The following CEP70 variants were observed in gnomAD, a reference collection of about 807,000 sequenced individuals.
CEP70 encodes centrosomal protein 70, also known as centrosomal protein of 70 kDa.
A neutral mutation model predicts 90.9 loss-of-function variants in CEP70; 70 were observed. That is an observed-to-expected ratio of 0.77 (90% CI 0.64 to 0.94). CEP70 has a LOEUF of 0.94. CEP70 is among the 40% of genes least tolerant of loss of function. The pLI is 0.00. For synonymous variants in CEP70, 220 were observed against 228.3 expected, an observed-to-expected ratio of 0.96 and a Z score of 0.33; for missense variants, 648 against 669.0, an observed-to-expected ratio of 0.97 and a Z score of 0.35.
intron 17 of CEP70, chr3:138,495,956 A>G (rs1214252122): frequency 2.0e-6 from 2 of 985,344 alleles, no homozygotes; most frequent in Non-Finnish European, 2.4e-6. Context: ...CTTACCAGAT[A>G]AACCAATCCA....
At chr3:138,571,385 T>A in intron 3 of CEP70, 29 bp from the exon 4 acceptor site, 2 of 1,388,190 alleles carry the variant, frequency 1.4e-6, no homozygotes, top group Non-Finnish European at 2.0e-6. Context: ...AAGAAAGGGT[T>A]AACTTTAGAT....
chr3:138,500,375 C>T (rs1422181431), intron 15 of CEP70, 24 bp downstream of exon 15: 3 of 1,555,068 alleles, frequency 1.9e-6, no homozygotes, highest in Non-Finnish European at 2.6e-6. Context: ...AATGGGGGCC[C>T]AAAATGACAA....
rs746135756 is a variant in CEP70 at position 138,537,267 on chromosome 3, T to A, written c.546A>T (p.Leu182Phe). The A allele has an allele frequency of 1.2e-6, 2 of 1,609,550 alleles. No individual in the cohort carries two copies. Among genetic ancestry groups the A allele is most frequent in the African/African-American group, 2.7e-5 (2 of 74,704 alleles). The change falls in exon 7 of 18, where the codon TTA (leucine) becomes TTT (phenylalanine). Residue 182 changes from leucine (L) to phenylalanine (F), a missense_variant. Transcript: ENST00000264982. ...CAATGCGATCTTCTTCCTCCTTTTT[T>A]AATCTACAGACTTCCATTTGCAAAG... ...IASLQMEVCR[L>F]KKEEEDRIVT...
intron 4 of CEP70, 30 bp downstream of exon 4, chr3:138,571,236 C>A: frequency 6.4e-7 from 1 of 1,573,936 alleles, no homozygotes; most frequent in Admixed American, 1.8e-5. Context: ...AAACTTTTTA[C>A]CTTAAGCATC....
At chr3:138,500,255 CAG>C in intron 15 of CEP70, 31 bp from the exon 16 acceptor site, 4 of 1,567,492 alleles carry the variant, frequency 2.6e-6, no homozygotes, top group Non-Finnish European at 3.5e-6. Context: ...GATATTTTAA[CAG>C]AGAATTTCCA....
chr3:138,589,103 G>A (rs1435177681), intron 2 of CEP70, among the ~76,000 whole-genome samples: 2 of 152,124 alleles, frequency 1.3e-5, no homozygotes, highest in Admixed American at 6.6e-5. Flanking sequence ...GGGAATTTGG[G>A]GGGATGATGG....
At chr3:138,519,481 C>T (rs888970682) in intron 11 of CEP70, among the ~76,000 whole-genome samples, 6 of 152,332 alleles carry the variant, frequency 3.9e-5, no homozygotes, top group Non-Finnish European at 7.3e-5. Context: ...AACAGCTCAT[C>T]TCTCAGCAGA....
chr3:138,520,022 G>A (rs1440327839), intron 11 of CEP70, among the ~76,000 whole-genome samples: 2 of 152,022 alleles, frequency 1.3e-5, no homozygotes, highest in African/African-American at 4.8e-5. Flanking sequence ...AAAAAGGCAG[G>A]GGTTGCAATC....
chr3:138,585,111 T>C (rs1048026453), intron 2 of CEP70, among the ~76,000 whole-genome samples: 3 of 152,160 alleles, frequency 2.0e-5, no homozygotes, highest in African/African-American at 7.2e-5. Context: ...ATTATCCTTG[T>C]TTGCAGGTGA....
intron 6 of CEP70, among the ~76,000 whole-genome samples, chr3:138,557,057 A>T (rs891019370): frequency 1.3e-5 from 2 of 152,162 alleles, no homozygotes; most frequent in Non-Finnish European, 2.9e-5. Context: ...CATAGAAGAC[A>T]GCCACACCCA....
intron 6 of CEP70, among the ~76,000 whole-genome samples, chr3:138,555,315 A>G (rs1025692202): frequency 6.6e-6 from 1 of 152,200 alleles, no homozygotes. Context: ...GACCTAAACC[A>G]TAAAAATTCT....
intron 6 of CEP70, among the ~76,000 whole-genome samples, chr3:138,542,884 G>A (rs2038883264): frequency 6.6e-6 from 1 of 152,170 alleles, no homozygotes; most frequent in South Asian, 2.1e-4. Context: ...TCAGTAGAGA[G>A]GAGACCCTAA....
chr3:138,529,345 A>C, intron 9 of CEP70, 30 bp downstream of exon 9: 1 of 1,571,208 alleles, frequency 6.4e-7, no homozygotes, highest in Non-Finnish European at 8.7e-7. Flanking sequence ...GTTTATTAAA[A>C]AGTATTTATT....
intron 6 of CEP70, among the ~76,000 whole-genome samples, chr3:138,548,348 C>A (rs1025297161): frequency 6.6e-6 from 1 of 152,202 alleles, no homozygotes; most frequent in African/African-American, 2.4e-5. Context: ...AAACTCACTT[C>A]TTTGGTTTTC....
intron 10 of CEP70, among the ~76,000 whole-genome samples, chr3:138,526,673 T>C (rs1337538432): frequency 6.6e-6 from 1 of 152,200 alleles, no homozygotes; most frequent in Non-Finnish European, 1.5e-5. Context: ...CATTATAAAT[T>C]TTACTTTTCT....
intron 6 of CEP70, among the ~76,000 whole-genome samples, chr3:138,554,827 T>C (rs539657854): frequency 1.7e-4 from 26 of 152,332 alleles, no homozygotes; most frequent in African/African-American, 6.3e-4. Flanking sequence ...GTCGGATGTA[T>C]AGATTGTGAT....
intron 7 of CEP70, among the ~76,000 whole-genome samples, chr3:138,536,633 T>G (rs1408897919): frequency 6.6e-6 from 1 of 151,888 alleles, no homozygotes; most frequent in East Asian, 1.9e-4. Flanking sequence ...TATTATAGGA[T>G]ATAGCAAATA....
chr3:138,525,483 T>A lies in CEP70; in HGVS notation c.944+7A>T. 1 of 1,300,844 alleles carries A rather than the reference T, an allele frequency of 7.7e-7. No homozygotes were observed. The allele number at this position is 1,300,844 out of a possible 1,614,324, so 80.6% of individuals were successfully genotyped here. A position where few individuals can be genotyped will look rare whatever the true frequency, so the allele number is the denominator to read the frequency against. ...AAAAGAGGCAATTTTGGTAAAAATA[T>A]AATTACTTGACGTTTTTCTTAAGGG... On this transcript the variant is annotated splice_region_variant and intron_variant, in intron 11 of 17. Coordinates refer to ENST00000264982, the MANE Select transcript of CEP70 (RefSeq NM_024491.4).
intron 16 of CEP70, among the ~76,000 whole-genome samples, chr3:138,499,723 G>C (rs957812488): frequency 6.6e-6 from 1 of 151,954 alleles, no homozygotes; most frequent in Admixed American, 6.6e-5. Flanking sequence ...GATCACTTGA[G>C]CCCAGGAATT....
Sources: allele counts gnomAD v4.1 joint callset (sites outside exome capture counted in the v4.1 genomes callset), GRCh38; gene constraint gnomAD v4.1.1; transcripts MANE v1.5; gene names NCBI Gene and HGNC (gene_info 2026-07-23, HGNC 2026-07-21).